The following GRM5 variants were observed in gnomAD, a reference collection of about 807,000 sequenced individuals.
GRM5 encodes metabotropic glutamate receptor 5.
A neutral mutation model predicts 83.1 loss-of-function variants in GRM5; 19 were observed. The ratio of observed to expected loss-of-function variants is 0.23; its 90% confidence interval spans 0.16 to 0.34. GRM5 has a LOEUF of 0.34. Ranked by LOEUF, GRM5 falls within the 10% of genes least tolerant of loss-of-function variation. The pLI is 1.00. For missense variants in GRM5, 1,160 were observed against 1,588.3 expected (o/e 0.73, Z 4.58); for synonymous variants, 675 against 633.6 (o/e 1.07, Z -0.98).
chr11:88,728,826 C>A (rs556095158), intron 3 of GRM5, among the ~76,000 whole-genome samples: 48 of 152,244 alleles, frequency 3.2e-4, no homozygotes, highest in African/African-American at 9.6e-4. Flanking sequence ...ATTCAACACC[C>A]CTTCATGCTA....
intron 8 of GRM5, among the ~76,000 whole-genome samples, chr11:88,554,387 G>A (rs543761391): frequency 3.9e-4 from 59 of 152,232 alleles, no homozygotes; most frequent in African/African-American, 1.3e-3. Flanking sequence ...CTTTTGCCAT[G>A]TAAGATAACA....
intron 3 of GRM5, among the ~76,000 whole-genome samples, chr11:88,705,532 A>G (rs774751909): frequency 2.6e-5 from 4 of 151,938 alleles, no homozygotes; most frequent in Non-Finnish European, 5.9e-5. Context: ...GCACTATAGC[A>G]TGGTGAAGGT....
At chr11:88,626,506 T>G (rs747707993) in intron 4 of GRM5, among the ~76,000 whole-genome samples, 3 of 152,210 alleles carry the variant, frequency 2.0e-5, no homozygotes, top group Non-Finnish European at 4.4e-5. Context: ...ATTTACATTC[T>G]TTTATGTGTT....
intron 2 of GRM5, among the ~76,000 whole-genome samples, chr11:88,997,950 T>G (rs1175539195): frequency 2.6e-5 from 4 of 152,078 alleles, no homozygotes; most frequent in Non-Finnish European, 4.4e-5. Context: ...TCAATATGCT[T>G]TATGAATATA....
chr11:89,020,626 T>C (rs1408219640), intron 2 of GRM5, among the ~76,000 whole-genome samples: 1 of 152,218 alleles, frequency 6.6e-6, no homozygotes, highest in Non-Finnish European at 1.5e-5. Context: ...CTGGTCTACA[T>C]GTCCTAGACA....
intron 7 of GRM5, among the ~76,000 whole-genome samples, chr11:88,587,119 G>A (rs1943332291): frequency 6.6e-6 from 1 of 152,148 alleles, no homozygotes; most frequent in African/African-American, 2.4e-5. Context: ...CAGTAGGAGT[G>A]GCAGATATGT....
intron 3 of GRM5, among the ~76,000 whole-genome samples, chr11:88,680,930 A>C (rs1940468671): frequency 1.3e-5 from 2 of 152,200 alleles, no homozygotes; most frequent in Admixed American, 1.3e-4. Context: ...CTATGTGAGA[A>C]AGATAGCTGA....
chr11:88,960,143 C>A (rs373019417), intron 2 of GRM5, among the ~76,000 whole-genome samples: 3 of 151,970 alleles, frequency 2.0e-5, no homozygotes, highest in East Asian at 1.9e-4. Flanking sequence ...ACCATTTGGC[C>A]AGAGTAAGAT....
intron 1 of GRM5, among the ~76,000 whole-genome samples, chr11:89,050,496 G>A (rs907917975): frequency 2.0e-5 from 3 of 152,158 alleles, no homozygotes; most frequent in East Asian, 1.9e-4. Flanking sequence ...GAAAAATAAA[G>A]ATCAAATGGT....
chr11:89,063,833 G>A (rs1315941086), intron 1 of GRM5, among the ~76,000 whole-genome samples: 5 of 152,196 alleles, frequency 3.3e-5, no homozygotes, highest in African/African-American at 7.2e-5. Context: ...GGTGAATCTG[G>A]ATGGGTAGAC....
intron 8 of GRM5, among the ~76,000 whole-genome samples, chr11:88,540,160 C>A (rs1050921732): frequency 5.9e-5 from 9 of 152,186 alleles, no homozygotes; most frequent in African/African-American, 1.9e-4. Flanking sequence ...AGTTCATTCA[C>A]CAGTTCTTGT....
Position 89,052,456 on chromosome 11 carries a change from G to A in GRM5, c.-200-4384C>T, listed in dbSNP as rs1480331107. 2.0e-5 allele frequency among the ~76,000 whole-genome samples: 3 copies of A among 152,090 alleles called. No homozygotes were observed. The South Asian group carries it at 6.2e-4, about 32-fold the overall frequency. On this transcript the variant is annotated intron_variant, in intron 1 of 9. Coordinates refer to ENST00000305447, the MANE Select transcript of GRM5 (RefSeq NM_001143831.3). ...ATGTTTTAGGTACTTTATTTTTAAAGACATATGCAAGACTTATATATTTCA... is the reference window on the plus strand; with the variant it reads ...ATGTTTTAGGTACTTTATTTTTAAAAACATATGCAAGACTTATATATTTCA...
chr11:88,629,688 C>A (rs1938909746), intron 4 of GRM5, among the ~76,000 whole-genome samples: 1 of 152,152 alleles, frequency 6.6e-6, no homozygotes, highest in Non-Finnish European at 1.5e-5. Flanking sequence ...ATACTCTGAC[C>A]TGAACTGATT....
chr11:88,542,740 GACAA>G (rs917296702), intron 8 of GRM5, among the ~76,000 whole-genome samples: 26 of 152,110 alleles, frequency 1.7e-4, no homozygotes, highest in African/African-American at 4.8e-4. Context: ...GGCTGTCATA[GACAA>G]ACAAATAGAG....
intron 2 of GRM5, among the ~76,000 whole-genome samples, chr11:89,028,947 C>G (rs1201327415): frequency 6.6e-6 from 1 of 151,982 alleles, no homozygotes; most frequent in Non-Finnish European, 1.5e-5. Context: ...AGTCCCCCAC[C>G]CCCCTACGTA....
At chr11:88,780,823 T>C (rs1942960527) in intron 3 of GRM5, among the ~76,000 whole-genome samples, 1 of 152,092 alleles carries the variant, frequency 6.6e-6, no homozygotes, top group African/African-American at 2.4e-5. Context: ...ACCCTGTATA[T>C]TTTTCCTATT....
chr11:89,020,954 T>A (rs1940968505), intron 2 of GRM5, among the ~76,000 whole-genome samples: 1 of 152,176 alleles, frequency 6.6e-6, no homozygotes, highest in Non-Finnish European at 1.5e-5. Context: ...GATATTCTGT[T>A]TACCAAGGCT....
intron 2 of GRM5, among the ~76,000 whole-genome samples, chr11:88,875,341 C>T (rs1944834091): frequency 6.6e-6 from 1 of 151,942 alleles, no homozygotes; most frequent in Non-Finnish European, 1.5e-5. Flanking sequence ...TCAAGTTTTA[C>T]CATAAGATTG....
chr11:88,846,917 G>A (rs1241223354), intron 3 of GRM5, among the ~76,000 whole-genome samples: 1 of 151,962 alleles, frequency 6.6e-6, no homozygotes, highest in Non-Finnish European at 1.5e-5. Flanking sequence ...AATAAACTCA[G>A]GTTCTATGTA....
Sources: allele counts gnomAD v4.1 joint callset (sites outside exome capture counted in the v4.1 genomes callset), GRCh38; gene constraint gnomAD v4.1.1; transcripts MANE v1.5; gene names NCBI Gene and HGNC (gene_info 2026-07-23, HGNC 2026-07-21).